PCDH17: variants seen among roughly 807,000 people sequenced by gnomAD.
PCDH17 encodes the protein protocadherin 17.
PCDH17 carries 21 observed loss-of-function variants against 67.7 expected under a neutral mutation model. The observed-to-expected ratio is 0.31, with a 90% confidence interval of 0.22 to 0.45. The LOEUF (loss-of-function observed/expected upper bound fraction) is 0.45. PCDH17 is among the 20% of genes least tolerant of loss of function. The pLI is 1.00. For synonymous variants in PCDH17, 701 were observed against 656.7 expected (o/e 1.07, Z -1.03); for missense variants, 1,471 against 1,564.8 (o/e 0.94, Z 1.01).
At chr13:57,675,646 A>G (rs1955384036) in intron 3 of PCDH17, among the ~76,000 whole-genome samples, 1 of 151,992 alleles carries the variant, frequency 6.6e-6, no homozygotes, top group Admixed American at 6.6e-5. Context: ...ACTCAGAAGC[A>G]CAGATGACGT....
intron 3 of PCDH17, among the ~76,000 whole-genome samples, chr13:57,716,758 G>A (rs943833668): frequency 4.6e-5 from 7 of 151,804 alleles, no homozygotes; most frequent in African/African-American, 1.7e-4. Context: ...CAGAACTTTA[G>A]AAGTAGATAG....
At position 57,650,640 on chromosome 13, in the gene PCDH17, AT is replaced by A. The variant is rs1280123710; in HGVS notation, c.2565+15534del. 2.6e-5 allele frequency among the ~76,000 whole-genome samples: 4 copies of A among 152,080 alleles called. No individual in the cohort carries two copies. The East Asian group carries it at 7.7e-4, about 29-fold the overall frequency. ...TCACTCTTCTCAAAATTATGACTAT[AT>A]TTTTCCCAATTTTAAGAAAAATTCT... On this transcript the variant is annotated intron_variant, in intron 1 of 3. Transcript: ENST00000377918.
intron 3 of PCDH17, among the ~76,000 whole-genome samples, chr13:57,676,183 T>A (rs879587178): frequency 7.1e-6 from 1 of 140,032 alleles, no homozygotes; most frequent in Non-Finnish European, 1.5e-5. Context: ...ATTGACTCAG[T>A]AATGTGGAAC....
intron 3 of PCDH17, among the ~76,000 whole-genome samples, chr13:57,711,150 G>C (rs1443647539): frequency 6.6e-6 from 1 of 151,806 alleles, no homozygotes; most frequent in Non-Finnish European, 1.5e-5. Context: ...AATCATTTTG[G>C]ATTTTAGAAT....
chr13:57,655,846 A>G (rs1166726287), intron 1 of PCDH17, among the ~76,000 whole-genome samples: 1 of 141,596 alleles, frequency 7.1e-6, no homozygotes, highest in Non-Finnish European at 1.5e-5. Flanking sequence ...TTCTAGTTTT[A>G]TTTATTATGT....
intron 3 of PCDH17, among the ~76,000 whole-genome samples, chr13:57,683,068 A>C (rs1955470088): frequency 6.6e-6 from 1 of 151,854 alleles, no homozygotes; most frequent in Admixed American, 6.6e-5. Flanking sequence ...TGACTAAGCC[A>C]AAATTTTAGC....
chr13:57,666,534 C>A lies in PCDH17; in HGVS notation c.2624+8C>A. ...GCAGCAGTTTGTTCAAAGGTAAGGC[C>A]TATTAAATAACTTTTCTCAGCTTCC... On this transcript the variant is annotated splice_region_variant and intron_variant, in intron 2 of 3. Transcript: ENST00000377918. The A allele has an allele frequency of 6.2e-7, 1 of 1,613,330 alleles. No individual in the cohort carries two copies. The highest frequency in any genetic ancestry group is 8.5e-7 in the Non-Finnish European group (1 of 1,179,378).
Position 57,632,502 on chromosome 13 carries a change from G to A in PCDH17, c.-45G>A. The A allele has an allele frequency of 6.4e-7, 1 of 1,572,852 alleles. No individual in the cohort carries two copies. Among genetic ancestry groups the A allele is most frequent in the Non-Finnish European group, 8.6e-7 (1 of 1,159,190 alleles). On this transcript the variant is annotated 5_prime_UTR_variant, in exon 1 of 4. Transcript: ENST00000377918. ...CAGGCTGGCGCGCACTCCCTCTCTG[G>A]CTCCTCCAGTCCGATTGCTCCTGCC...
chr13:57,715,720 G>T (rs1452617007), intron 3 of PCDH17, among the ~76,000 whole-genome samples: 1 of 151,672 alleles, frequency 6.6e-6, no homozygotes, highest in Non-Finnish European at 1.5e-5. Context: ...TTGCTTTGTT[G>T]ATATATTTTT....
intron 3 of PCDH17, among the ~76,000 whole-genome samples, chr13:57,672,744 G>T (rs891168444): frequency 2.6e-5 from 4 of 151,916 alleles, no homozygotes; most frequent in Non-Finnish European, 5.9e-5. Context: ...CTGTGGAATG[G>T]TTACTGTAGT....
intron 3 of PCDH17, among the ~76,000 whole-genome samples, chr13:57,704,127 G>T (rs923611243): frequency 1.3e-5 from 2 of 152,048 alleles, no homozygotes; most frequent in Non-Finnish European, 2.9e-5. Flanking sequence ...AGACTAAAAT[G>T]AATAAGAATT....
intron 3 of PCDH17, among the ~76,000 whole-genome samples, chr13:57,711,877 C>T (rs1955780031): frequency 6.6e-6 from 1 of 151,010 alleles, no homozygotes; most frequent in Admixed American, 6.6e-5. Flanking sequence ...AGTTATGTAT[C>T]TTAGGATGTA....
chr13:57,663,645 T>C (rs1264727806), intron 1 of PCDH17, among the ~76,000 whole-genome samples: 4 of 152,178 alleles, frequency 2.6e-5, no homozygotes, highest in Non-Finnish European at 5.9e-5. Flanking sequence ...ATGGTAATTA[T>C]ACACACACAC....
At chr13:57,723,937 C>T (rs1286522955) in intron 3 of PCDH17, among the ~76,000 whole-genome samples, 3 of 152,194 alleles carry the variant, frequency 2.0e-5, no homozygotes, top group East Asian at 1.9e-4. Context: ...GCATTTTCAC[C>T]TACTTACACC....
chr13:57,641,871 C>G (rs898287057), intron 1 of PCDH17, among the ~76,000 whole-genome samples: 2 of 151,130 alleles, frequency 1.3e-5, no homozygotes, highest in African/African-American at 2.4e-5. Context: ...TTTAAGTTAA[C>G]AAGCTTTGTG....
chr13:57,634,881 G>A lies in PCDH17; in HGVS notation c.2335G>A (p.Ala779Thr). The A allele has an allele frequency of 6.2e-7, 1 of 1,613,964 alleles. No individual in the cohort carries two copies. Among genetic ancestry groups the A allele is most frequent in the East Asian group, 2.2e-5 (1 of 44,856 alleles). ...LVQSEVEERN[A>T]MNVMNVVSSP... ...GCAGAGCGAAGTGGAGGAGAGGAAC[G>A]CCATGAACGTCATGAACGTGGTGAG... Residue 779 changes from alanine (A) to threonine (T), a missense_variant, in exon 1 of 4, where the codon GCC becomes ACC. Transcript: ENST00000377918. This position sits in a 1 kb window ranked among gnomAD's most constrained non-coding sequence, Gnocchi z 7.8.
chr13:57,663,812 C>A (rs1377440951), intron 1 of PCDH17, among the ~76,000 whole-genome samples: 1 of 152,098 alleles, frequency 6.6e-6, no homozygotes, highest in Non-Finnish European at 1.5e-5. Context: ...CTTTTCACTC[C>A]TCTCACCCTG....
At chr13:57,643,809 T>C (rs1013579499) in intron 1 of PCDH17, among the ~76,000 whole-genome samples, 12 of 151,846 alleles carry the variant, frequency 7.9e-5, no homozygotes, top group African/African-American at 2.2e-4. Flanking sequence ...TTGTGTTATA[T>C]TAATGAATTT....
chr13:57,633,282 C>G lies in PCDH17; in HGVS notation c.736C>G (p.Pro246Ala). ...CGACAACAGCCCGGTCTTCGAGGCG[C>G]CATCCTACTTGGTGGAACTGCCCGA... ...SNDNSPVFEAPSYLVELPENA... is the reference protein window; with the variant it reads ...SNDNSPVFEAASYLVELPENA... Residue 246 changes from proline to alanine, a missense_variant, in exon 1 of 4, where the codon CCA (proline) becomes GCA (alanine). Coordinates refer to ENST00000377918, the MANE Select transcript of PCDH17 (RefSeq NM_001040429.3). The surrounding 1 kb of genome is among the most constrained non-coding windows in gnomAD (Gnocchi z 6.2). 5 of 1,613,344 alleles carry G rather than the reference C, an allele frequency of 3.1e-6. No homozygotes were observed. The highest frequency in any genetic ancestry group is 4.2e-6 in the Non-Finnish European group (5 of 1,180,022).
Sources: gnomAD v4.1 joint callset for allele counts (sites outside exome capture counted in the v4.1 genomes callset) on GRCh38, gnomAD v4.1.1 for gene constraint, Gnocchi (gnomAD v3.1) non-coding constraint, MANE v1.5 for transcripts, NCBI Gene and HGNC (gene_info 2026-07-23, HGNC 2026-07-21) for gene names.